PALM: variants seen among roughly 807,000 people sequenced by gnomAD.
PALM encodes the protein paralemmin.
A neutral mutation model predicts 30.7 loss-of-function variants in PALM; 18 were observed. The observed-to-expected ratio is 0.59, with a 90% CI of 0.41 to 0.87. The LOEUF is 0.87. Among genes scored for constraint, PALM ranks in the 40% least tolerant of loss-of-function variants. The pLI is 0.00. For synonymous variants in PALM, 286 were observed against 242.8 expected (o/e 1.18, Z -1.66); for missense variants, 529 against 555.4 (o/e 0.95, Z 0.48).
chr19:748,025 C>G lies in PALM; in HGVS notation c.*1211C>G, dbSNP rs1475729395. ...TCCAGCCTGGTGCCCAGTGCTCAGG[C>G]CACCTCCTGGTCCAGTCACCACCTG... On this transcript the variant is annotated 3_prime_UTR_variant, in exon 9 of 9. Transcript: ENST00000338448. The G allele has an allele frequency of 2.0e-5, 3 of 152,622 alleles. No individual in the cohort carries two copies. The highest frequency in any genetic ancestry group is 7.2e-5 in the African/African-American group (3 of 41,466). 9.5% of individuals were successfully genotyped at this position (152,622 alleles called of 1,614,324 possible). A position where few individuals can be genotyped will look rare whatever the true frequency, so the allele number is the denominator to read the frequency against.
chr19:734,569 G>C (rs2032968159), intron 6 of PALM: 1 of 259,948 alleles, frequency 3.8e-6, no homozygotes, highest in African/African-American at 2.3e-5. Context: ...CCGCCGGCCA[G>C]GCCCAGTGGC....
At chr19:711,065 C>A (rs1008722947) in intron 1 of PALM, 1 of 402,252 alleles carries the variant, frequency 2.5e-6, no homozygotes, top group Non-Finnish European at 3.4e-6. Flanking sequence ...GTGCCCGTCT[C>A]GCTGGAAAGT....
chr19:726,904 C>T (rs576698390), intron 2 of PALM, 104 bp from the exon 3 acceptor site: 88 of 728,336 alleles, frequency 1.2e-4, no homozygotes, highest in Admixed American at 2.1e-4. Flanking sequence ...CGAGGATCCC[C>T]GGACAGAGGA....
At chr19:711,119 C>T (rs2032065468) in intron 1 of PALM, 11 of 812,728 alleles carry the variant, frequency 1.4e-5, no homozygotes, top group Non-Finnish European at 1.5e-5. Flanking sequence ...AAATGTCATT[C>T]AAGAACAGGT....
In PALM at chr19:730,988, C is replaced by T. The variant is rs557812026; in HGVS notation, c.270-107C>T. 1.9e-5 allele frequency: 14 copies of T among 719,710 alleles called. No homozygotes were observed. The South Asian group carries it at 2.4e-4, about 12-fold the overall frequency. 44.6% of individuals were successfully genotyped at this position (719,710 alleles called of 1,614,324 possible). A position where few individuals can be genotyped will look rare whatever the true frequency, so the allele number is the denominator to read the frequency against. ...TGCACTCCAGCCTGGGCAACAAGAG[C>T]GAGAATCTGTCTCAAAAAAAAGACA... On this transcript the variant is annotated intron_variant, in intron 4 of 8. Coordinates refer to ENST00000338448, the MANE Select transcript of PALM (RefSeq NM_002579.3).
intron 1 of PALM, 120 bp from the exon 2 acceptor site, chr19:726,018 A>C: frequency 1.3e-6 from 1 of 764,712 alleles, no homozygotes; most frequent in Admixed American, 2.1e-5. Context: ...ACTGGGGTTC[A>C]GAGATGAAAT....
chr19:728,770 G>A (rs186401235), intron 4 of PALM, among the ~76,000 whole-genome samples: 4 of 152,158 alleles, frequency 2.6e-5, no homozygotes, highest in African/African-American at 9.7e-5. Context: ...TTGGGAGACC[G>A]AGGTGGGTGA....
chr19:721,320 C>T (rs936102460), intron 1 of PALM, among the ~76,000 whole-genome samples: 11 of 152,080 alleles, frequency 7.2e-5, no homozygotes, highest in African/African-American at 2.7e-4. Context: ...GGCTAGAGTG[C>T]GGTGGCACGA....
intron 5 of PALM, among the ~76,000 whole-genome samples, chr19:731,481 A>T (rs1341781672): frequency 7.3e-6 from 1 of 136,786 alleles, no homozygotes; most frequent in Non-Finnish European, 1.6e-5. Context: ...CAGAGCAGCC[A>T]CCGCTGGGGG....
At chr19:719,190 C>T in intron 1 of PALM, 1 of 985,398 alleles carries the variant, frequency 1.0e-6, no homozygotes, top group Non-Finnish European at 1.2e-6. Context: ...AGTGCGACGC[C>T]CCCATCCCAC....
At chr19:740,803 C>G (rs563338717) in intron 8 of PALM, among the ~76,000 whole-genome samples, 1 of 152,124 alleles carries the variant, frequency 6.6e-6, no homozygotes, top group Non-Finnish European at 1.5e-5. Flanking sequence ...GGTGGCAAAC[C>G]GGGCCCTTCC....
At chr19:730,052 G>A (rs3787020) in intron 4 of PALM, among the ~76,000 whole-genome samples, 5,174 of 152,330 alleles carry the variant, frequency 0.034, 121 homozygotes, top group East Asian at 0.074. Flanking sequence ...CCTCCCCAGG[G>A]CAGCCTGCTT....
intron 1 of PALM, chr19:718,965 G>T (rs2032362085): frequency 5.0e-6 from 1 of 199,122 alleles, no homozygotes; most frequent in Non-Finnish European, 9.0e-6. Flanking sequence ...AGCAGCTGGG[G>T]TCCAGACTCC....
In PALM at chr19:746,257, G is replaced by A. The variant is rs200373682; in HGVS notation, c.635-28G>A. The A allele has an allele frequency of 1.5e-5, 24 of 1,599,048 alleles. No individual in the cohort carries two copies. The Admixed American group carries it at 4.2e-4, about 28-fold the overall frequency. On this transcript the variant is annotated intron_variant, in intron 8 of 8. Coordinates refer to ENST00000338448, the MANE Select transcript of PALM (RefSeq NM_002579.3). The surrounding 1 kb of genome is among the most constrained non-coding windows in gnomAD (Gnocchi z 7.1). ...CTCTGTCCCTCCTGCCTGGAGCTGG[G>A]TCATTCTCTCTGTCTCTCCTTGTAC...
At position 739,874 on chromosome 19, in the gene PALM, G is replaced by C. The variant is rs1303534855; in HGVS notation, c.503-478G>C. 3.3e-5 allele frequency among the ~76,000 whole-genome samples: 5 copies of C among 152,300 alleles called. No individual in the cohort carries two copies. In the East Asian group the frequency reaches 9.7e-4, roughly 29 times the overall value. ...GCCTGTAGTCCCAGCTACGTGGAAG[G>C]CTGAGGCAGGAGAATCGCTAGAACC... On this transcript the variant is annotated intron_variant, in intron 7 of 8. Transcript: ENST00000338448.
rs1486192924 is a variant in PALM at position 747,095 on chromosome 19, G to A, written c.*281G>A. ...CCGAGACAAGGACCCCCCATGTCAC[G>A]GCAGCTTCACAGACGCGGCTCGCGC... On this transcript the variant is annotated 3_prime_UTR_variant, in exon 9 of 9. Coordinates refer to ENST00000338448, the MANE Select transcript of PALM (RefSeq NM_002579.3). 8 of 393,868 alleles carry A rather than the reference G, an allele frequency of 2.0e-5. No individual in the cohort carries two copies. Among genetic ancestry groups the A allele is most frequent in the South Asian group, 1.1e-4 (3 of 27,398 alleles). 24.4% of individuals were successfully genotyped at this position (393,868 alleles called of 1,614,324 possible).
intron 7 of PALM, among the ~76,000 whole-genome samples, chr19:737,031 C>T (rs957813844): frequency 1.3e-5 from 2 of 152,154 alleles, no homozygotes; most frequent in East Asian, 1.9e-4. Context: ...CCAGCCTGGG[C>T]GACAAGAGCA....
chr19:722,076 G>A (rs1179446069), intron 1 of PALM, among the ~76,000 whole-genome samples: 5 of 150,746 alleles, frequency 3.3e-5, no homozygotes, highest in South Asian at 2.1e-4. Flanking sequence ...CCGCCACCAC[G>A]CCGGGCTAAT....
Position 731,079 on chromosome 19 carries a change from C to CTA in PALM, c.270-16_270-15insTA, listed in dbSNP as rs1256164776. The CTA allele has an allele frequency of 6.4e-7, 1 of 1,552,138 alleles. No homozygotes were observed. The highest frequency in any genetic ancestry group is 8.7e-7 in the Non-Finnish European group (1 of 1,145,494). On this transcript the variant is annotated splice_polypyrimidine_tract_variant and intron_variant, in intron 4 of 8. Coordinates refer to ENST00000338448, the MANE Select transcript of PALM (RefSeq NM_002579.3). ...GGGATGCAGGAGTCACCCTCACAGG[C>CTA]ACACCCTCTCCCCAGGTTGGAGAAG...
Sources: allele counts gnomAD v4.1 joint callset (sites outside exome capture counted in the v4.1 genomes callset), GRCh38; gene constraint gnomAD v4.1.1; non-coding constraint Gnocchi (gnomAD v3.1); transcripts MANE v1.5; gene names NCBI Gene and HGNC (gene_info 2026-07-23, HGNC 2026-07-21).